KLF12: variants seen among roughly 807,000 people sequenced by gnomAD.
The protein encoded by KLF12 is Krueppel-like factor 12.
KLF12 carries 9 observed loss-of-function variants against 37.8 expected under a neutral mutation model. The observed-to-expected ratio is 0.24, with a 90% confidence interval of 0.14 to 0.42. The LOEUF (loss-of-function observed/expected upper bound fraction) is 0.42. Among genes scored for constraint, KLF12 ranks in the 10% least tolerant of loss-of-function variants. The probability of loss-of-function intolerance (pLI) is 1.00; values close to 1 mark genes in which losing one functional copy is unlikely to be tolerated. For synonymous variants in KLF12, 208 were observed against 202.1 expected, an observed-to-expected ratio of 1.03 and a Z score of -0.25; for missense variants, 411 against 516.0, an observed-to-expected ratio of 0.80 and a Z score of 1.97.
At chr13:73,776,162 G>A (rs1594077808) in intron 5 of KLF12, among the ~76,000 whole-genome samples, 1 of 152,178 alleles carries the variant, frequency 6.6e-6, no homozygotes, top group Non-Finnish European at 1.5e-5. Context: ...TTATGTAGGT[G>A]TGTGTGTATT....
intron 3 of KLF12, among the ~76,000 whole-genome samples, chr13:73,889,280 T>A (rs536981828): frequency 6.6e-6 from 1 of 152,362 alleles, no homozygotes; most frequent in East Asian, 1.9e-4. Flanking sequence ...TGTATGTGCA[T>A]ACATAGCGCC....
chr13:73,742,030 A>AGG, intron 6 of KLF12, among the ~76,000 whole-genome samples: 1 of 152,046 alleles, frequency 6.6e-6, no homozygotes, highest in Non-Finnish European at 1.5e-5. Context: ...AGAGGCTGAA[A>AGG]AAGCCTACGG....
intron 4 of KLF12, among the ~76,000 whole-genome samples, chr13:73,828,411 G>A (rs527326671): frequency 3.8e-4 from 58 of 152,148 alleles, no homozygotes; most frequent in African/African-American, 1.3e-3. Context: ...TTAGATATAC[G>A]TCTTTTAGAT....
At chr13:73,697,154 C>T (rs1434070106) in intron 7 of KLF12, among the ~76,000 whole-genome samples, 3 of 151,822 alleles carry the variant, frequency 2.0e-5, no homozygotes, top group African/African-American at 4.8e-5. Flanking sequence ...ACTACAGGAC[C>T]CTATAAATGA....
At chr13:73,907,104 T>C (rs182611891) in intron 3 of KLF12, among the ~76,000 whole-genome samples, 257 of 152,308 alleles carry the variant, frequency 1.7e-3, no homozygotes, top group African/African-American at 5.7e-3. Flanking sequence ...AAATTGTGTT[T>C]ATCAAAGATA....
the KLF12 span, among the ~76,000 whole-genome samples, chr13:74,282,203 T>A: frequency 6.6e-6 from 1 of 152,218 alleles, no homozygotes; most frequent in Admixed American, 6.5e-5. Context: ...AAAGTGCTTT[T>A]CTGTGAAGGA....
intron 3 of KLF12, among the ~76,000 whole-genome samples, chr13:73,869,058 T>C (rs972164785): frequency 6.6e-6 from 1 of 152,232 alleles, no homozygotes; most frequent in Non-Finnish European, 1.5e-5. Context: ...TACATATATC[T>C]GTGTTTACTT....
intron 1 of KLF12, among the ~76,000 whole-genome samples, chr13:74,050,799 T>C (rs1457745253): frequency 6.6e-6 from 1 of 152,108 alleles, no homozygotes; most frequent in African/African-American, 2.4e-5. Flanking sequence ...GAATGAGAGA[T>C]AATATCTGCT....
chr13:74,227,981 T>C, the KLF12 span, among the ~76,000 whole-genome samples: 2 of 152,168 alleles, frequency 1.3e-5, no homozygotes, highest in African/African-American at 4.8e-5. Flanking sequence ...CAAAGATCAG[T>C]ATGTTTAAGT....
intron 1 of KLF12, among the ~76,000 whole-genome samples, chr13:74,120,406 G>A (rs1411069361): frequency 6.6e-6 from 1 of 152,186 alleles, no homozygotes; most frequent in African/African-American, 2.4e-5. Flanking sequence ...TTTGAACTCA[G>A]GAGACAGAGG....
intron 4 of KLF12, among the ~76,000 whole-genome samples, chr13:73,820,032 G>A (rs1454878411): frequency 6.6e-6 from 1 of 152,100 alleles, no homozygotes; most frequent in Admixed American, 6.5e-5. Context: ...GGCCTTGGAG[G>A]GTGACATAGG....
chr13:73,886,762 C>T (rs543861102), intron 3 of KLF12, among the ~76,000 whole-genome samples: 2 of 152,218 alleles, frequency 1.3e-5, no homozygotes, highest in South Asian at 2.1e-4. Flanking sequence ...GAGGCCGAGG[C>T]GAGCGGATCA....
chr13:74,111,721 G>GAA (rs11438165), intron 1 of KLF12, among the ~76,000 whole-genome samples: 1 of 151,964 alleles, frequency 6.6e-6, no homozygotes, highest in East Asian at 1.9e-4. Flanking sequence ...TGCCAATGGG[G>GAA]AAAAAAGGTC....
At chr13:74,164,180 CACAG>C in the KLF12 span, among the ~76,000 whole-genome samples, 2 of 152,052 alleles carry the variant, frequency 1.3e-5, no homozygotes, top group African/African-American at 2.4e-5. Context: ...GTCAAATGAT[CACAG>C]ACAGATCATT....
the KLF12 span, among the ~76,000 whole-genome samples, chr13:74,154,695 A>G: frequency 6.6e-6 from 1 of 152,158 alleles, no homozygotes; most frequent in Non-Finnish European, 1.5e-5. Flanking sequence ...TAGCTGCGAG[A>G]TAATAGTGAC....
intron 1 of KLF12, among the ~76,000 whole-genome samples, chr13:74,012,543 C>T (rs1448198617): frequency 3.3e-5 from 5 of 152,172 alleles, no homozygotes. Context: ...ATGAGCACAA[C>T]TAAGTATATT....
chr13:74,083,493 G>GGAGAC (rs1875057145), intron 1 of KLF12, among the ~76,000 whole-genome samples: 111 of 136,512 alleles, frequency 8.1e-4, no homozygotes, highest in African/African-American at 2.9e-3. Flanking sequence ...GGCGATAGGA[G>GGAGAC]ACACACACAC....
the KLF12 span, among the ~76,000 whole-genome samples, chr13:74,205,875 G>A: frequency 3.9e-5 from 6 of 152,228 alleles, no homozygotes; most frequent in African/African-American, 1.4e-4. Context: ...AGTAGGGAGA[G>A]AAAATTGATG....
intron 5 of KLF12, among the ~76,000 whole-genome samples, chr13:73,794,616 T>C (rs1377494890): frequency 6.6e-6 from 1 of 152,204 alleles, no homozygotes; most frequent in East Asian, 1.9e-4. Context: ...TATCTGACAA[T>C]ATTCAATATA....
Sources: allele counts gnomAD v4.1 joint callset (sites outside exome capture counted in the v4.1 genomes callset), GRCh38; gene constraint gnomAD v4.1.1; transcripts MANE v1.5; gene names NCBI Gene and HGNC (gene_info 2026-07-23, HGNC 2026-07-21).